The following LNX2 variants were observed in gnomAD, a reference collection of about 807,000 sequenced individuals.
The protein encoded by LNX2 is ligand of numb-protein X 2, also known as ligand of Numb protein X 2.
LNX2 carries 35 observed loss-of-function variants against 66.2 expected under a neutral mutation model. The observed-to-expected ratio is 0.53, with a 90% confidence interval of 0.40 to 0.70. The LOEUF is 0.70. Ranked by LOEUF, LNX2 falls within the 30% of genes least tolerant of loss-of-function variation. The probability of loss-of-function intolerance (pLI) is 0.00; values close to 1 mark genes in which losing one functional copy is unlikely to be tolerated. For synonymous variants in LNX2, 337 were observed against 315.6 expected (o/e 1.07, Z -0.72); for missense variants, 791 against 850.8 (o/e 0.93, Z 0.87).
chr13:27,593,161 T>C (rs545505127), intron 1 of LNX2, among the ~76,000 whole-genome samples: 2 of 152,296 alleles, frequency 1.3e-5, no homozygotes, highest in Admixed American at 6.5e-5. Context: ...TTTTGCCATA[T>C]CTCTCCCTCT....
chr13:27,553,547 G>A, intron 7 of LNX2, 108 bp from the exon 8 acceptor site: 1 of 705,268 alleles, frequency 1.4e-6, no homozygotes, highest in Non-Finnish European at 2.5e-6. Context: ...CAACTCTGAT[G>A]AGATAAGGTA....
intron 1 of LNX2, among the ~76,000 whole-genome samples, chr13:27,583,245 T>TGCGCGCGCGC (rs1377484241): frequency 1.2e-4 from 4 of 32,220 alleles, no homozygotes; most frequent in Non-Finnish European, 2.1e-4. Context: ...TGTGTGTGTG[T>TGCGCGCGCGC]GTGTGTGTGT....
chr13:27,591,034 A>G (rs1292750533), intron 1 of LNX2, among the ~76,000 whole-genome samples: 1 of 152,132 alleles, frequency 6.6e-6, no homozygotes, highest in Non-Finnish European at 1.5e-5. Context: ...ATACATATAT[A>G]CCATCAGATT....
chr13:27,587,979 C>G (rs2138417688), intron 1 of LNX2, among the ~76,000 whole-genome samples: 1 of 144,704 alleles, frequency 6.9e-6, no homozygotes, highest in East Asian at 2.1e-4. Context: ...CGAGATGGCG[C>G]CACTTCACTC....
rs1222688426 is a variant in LNX2 at position 27,546,798 on chromosome 13, G to A, written c.*1537C>T. 1 of 152,046 alleles carries A rather than the reference G, an allele frequency of 6.6e-6. No individual in the cohort carries two copies. Among genetic ancestry groups the A allele is most frequent in the Non-Finnish European group, 1.5e-5 (1 of 67,978 alleles). The allele number at this position is 152,046 out of a possible 1,614,324, so 9.4% of individuals were successfully genotyped here. On this transcript the variant is annotated 3_prime_UTR_variant, in exon 10 of 10. Transcript: ENST00000316334. ...GGTTTCTAAATGAAATTTTTTTCAA[G>A]TATGTATAATATTAATAAGGTAAAG... is the stretch of plus-strand genomic sequence containing the variant.
At chr13:27,581,250 A>C (rs1023125356) in intron 2 of LNX2, 47 bp downstream of exon 2, 1 of 1,424,692 alleles carries the variant, frequency 7.0e-7, no homozygotes, top group Admixed American at 3.1e-5. Context: ...CATTTGAACC[A>C]CCTTTTTCCA....
Position 27,581,544 on chromosome 13 carries a change from G to A in LNX2, c.160C>T (p.Leu54Phe). 6.2e-7 allele frequency: 1 copy of A among 1,614,194 alleles called. No individual in the cohort carries two copies. Among genetic ancestry groups the A allele is most frequent in the Non-Finnish European group, 8.5e-7 (1 of 1,180,038 alleles). ...TCTAGTGGCTGCAGCAGAGGTTGAA[G>A]GCAAATATGGCAGACTAGGTCATCA... is the stretch of plus-strand genomic sequence containing the variant. Reference protein sequence around the residue: ...VDDDLVCHICLQPLLQPLDTP... With the variant: ...VDDDLVCHICFQPLLQPLDTP... Residue 54 changes from leucine to phenylalanine, a missense_variant, in exon 2 of 10, where the codon CTT (leucine) becomes TTT (phenylalanine). Transcript: ENST00000316334.
At chr13:27,604,188 G>C (rs1955689781) in intron 1 of LNX2, among the ~76,000 whole-genome samples, 1 of 152,232 alleles carries the variant, frequency 6.6e-6, no homozygotes. Context: ...GGAGCTTGCA[G>C]TGAGCCGAGA....
chr13:27,550,902 C>T (rs920311905), intron 8 of LNX2, among the ~76,000 whole-genome samples: 1 of 152,066 alleles, frequency 6.6e-6, no homozygotes, highest in African/African-American at 2.4e-5. Context: ...TACTGCCAAG[C>T]CCAGCATGCA....
chr13:27,575,433 G>C (rs1407851044), intron 2 of LNX2, among the ~76,000 whole-genome samples: 3 of 152,190 alleles, frequency 2.0e-5, no homozygotes, highest in Non-Finnish European at 4.4e-5. Flanking sequence ...AAAGTATAAA[G>C]TAGATTGCCC....
At chr13:27,591,304 C>T (rs945526352) in intron 1 of LNX2, among the ~76,000 whole-genome samples, 1 of 152,152 alleles carries the variant, frequency 6.6e-6, no homozygotes, top group African/African-American at 2.4e-5. Context: ...AATACAAATG[C>T]ATAATGTTAC....
At chr13:27,588,919 T>C (rs1052880216) in intron 1 of LNX2, among the ~76,000 whole-genome samples, 1 of 152,210 alleles carries the variant, frequency 6.6e-6, no homozygotes, top group African/African-American at 2.4e-5. Flanking sequence ...GTCTCATATA[T>C]GTTTCTGTTT....
chr13:27,556,133 A>G, intron 7 of LNX2, 103 bp downstream of exon 7: 1 of 1,157,658 alleles, frequency 8.6e-7, no homozygotes, highest in Non-Finnish European at 1.2e-6. Context: ...AGAACTTAAA[A>G]AAGTCATGTT....
chr13:27,590,846 CA>C (rs752579841), intron 1 of LNX2, among the ~76,000 whole-genome samples: 12 of 151,984 alleles, frequency 7.9e-5, no homozygotes, highest in Non-Finnish European at 1.6e-4. Flanking sequence ...TAACTAAGAA[CA>C]AGATATAAGA....
At chr13:27,553,469 G>A (rs1400541076) in intron 7 of LNX2, 30 bp from the exon 8 acceptor site, 2 of 1,562,654 alleles carry the variant, frequency 1.3e-6, no homozygotes, top group East Asian at 2.2e-5. Flanking sequence ...AGAAAAATGA[G>A]CTGAGCCACT....
chr13:27,611,602 G>A (rs1402095811), intron 1 of LNX2, among the ~76,000 whole-genome samples: 1 of 152,170 alleles, frequency 6.6e-6, no homozygotes, highest in Non-Finnish European at 1.5e-5. Flanking sequence ...ACAATAAAAA[G>A]CTGAAGCAAT....
rs564484502 is a variant in LNX2 at position 27,562,565 on chromosome 13, T to C, written c.1072A>G (p.Arg358Gly). The C allele has an allele frequency of 6.2e-7, 1 of 1,614,162 alleles. No individual in the cohort carries two copies. Among genetic ancestry groups the C allele is most frequent in the African/African-American group, 1.3e-5 (1 of 75,050 alleles). The stretch of plus-strand genomic sequence containing the variant: ...ATAAAAACCCCTGGCTCATCTGTCC[T>C]TCGCACCAATTTAATGCCAAGCTGT... Reference protein sequence around the residue: ...GEQLGIKLVRRTDEPGVFILD... With the variant: ...GEQLGIKLVRGTDEPGVFILD... The change falls in exon 5 of 10, where the codon AGG becomes GGG. Residue 358 changes from arginine (R) to glycine (G), a missense_variant. By Grantham distance (125) the Arg-to-Gly change is moderately radical. Transcript: ENST00000316334.
In LNX2 at chr13:27,620,448, G is replaced by A; in HGVS notation, c.-174C>T. On this transcript the variant is annotated 5_prime_UTR_variant, in exon 1 of 10. Coordinates refer to ENST00000316334, the MANE Select transcript of LNX2 (RefSeq NM_153371.4). ...CTCGGCACCAGCTCCCGCTCTCCGCGGCCCGCTGAGGGAGCGGAGAGCCTG... is the reference window on the plus strand; with the variant it reads ...CTCGGCACCAGCTCCCGCTCTCCGCAGCCCGCTGAGGGAGCGGAGAGCCTG... The A allele has an allele frequency of 6.4e-6, 1 of 155,902 alleles. No homozygotes were observed. Among genetic ancestry groups the A allele is most frequent in the Non-Finnish European group, 1.4e-5 (1 of 70,448 alleles). 9.7% of individuals were successfully genotyped at this position (155,902 alleles called of 1,614,324 possible).
At chr13:27,579,899 A>C (rs1955379270) in intron 2 of LNX2, among the ~76,000 whole-genome samples, 1 of 152,198 alleles carries the variant, frequency 6.6e-6, no homozygotes. Flanking sequence ...TGCTGGTTAC[A>C]GAAGATATAA....
Sources: allele counts gnomAD v4.1 joint callset (sites outside exome capture counted in the v4.1 genomes callset), GRCh38; gene constraint gnomAD v4.1.1; transcripts MANE v1.5; gene names NCBI Gene and HGNC (gene_info 2026-07-23, HGNC 2026-07-21).